The following PVT1 variants were observed in gnomAD, a reference collection of about 807,000 sequenced individuals.
PVT1 encodes the protein CXCR4/PVT1 fusion.
chr8:127,958,865 A>T (rs2129940915), intron 3 of PVT1, among the ~76,000 whole-genome samples: 1 of 152,278 alleles, frequency 6.6e-6, no homozygotes, highest in East Asian at 1.9e-4. Context: ...GCCTGGTTCT[A>T]AGCACATGTC....
chr8:128,030,557 C>T (rs958325796), intron 4 of PVT1, among the ~76,000 whole-genome samples: 1 of 152,208 alleles, frequency 6.6e-6, no homozygotes, highest in African/African-American at 2.4e-5. Context: ...CAAAATTATG[C>T]TACTTGAGGC....
intron 3 of PVT1, among the ~76,000 whole-genome samples, chr8:127,976,962 T>A (rs1816829188): frequency 6.6e-6 from 1 of 152,154 alleles, no homozygotes; most frequent in Non-Finnish European, 1.5e-5. Flanking sequence ...ACAGCCCCAG[T>A]ATTTAGTGTT....
chr8:128,033,603 T>A (rs893280666), intron 4 of PVT1, among the ~76,000 whole-genome samples: 1 of 152,170 alleles, frequency 6.6e-6, no homozygotes, highest in South Asian at 2.1e-4. Flanking sequence ...TTGAGATAGG[T>A]CATGGAGAAA....
At chr8:127,913,210 A>C (rs1381679771) in intron 3 of PVT1, among the ~76,000 whole-genome samples, 1 of 152,146 alleles carries the variant, frequency 6.6e-6, no homozygotes, top group Non-Finnish European at 1.5e-5. Flanking sequence ...CTTTCTGTCC[A>C]GGTGTTTTCA....
chr8:127,794,705 C>G (rs1210440938), exon 1 of PVT1: 1 of 153,284 alleles, frequency 6.5e-6, no homozygotes, highest in African/African-American at 2.4e-5. Flanking sequence ...TCCCTGTGAC[C>G]TGTGGAGACA....
chr8:127,980,578 G>A (rs1433211454), intron 3 of PVT1, among the ~76,000 whole-genome samples: 1 of 152,014 alleles, frequency 6.6e-6, no homozygotes, highest in African/African-American at 2.4e-5. Flanking sequence ...GCCCACCTCT[G>A]GGCGCACCTG....
chr8:128,080,185 G>A (rs1050260400), intron 5 of PVT1, among the ~76,000 whole-genome samples: 19 of 152,220 alleles, frequency 1.2e-4, no homozygotes, highest in African/African-American at 4.6e-4. Context: ...TATGCATAAA[G>A]CTGCTATAAA....
At chr8:128,072,733 G>A (rs1006945676) in intron 5 of PVT1, among the ~76,000 whole-genome samples, 2 of 152,146 alleles carry the variant, frequency 1.3e-5, no homozygotes, top group Non-Finnish European at 2.9e-5. Context: ...AGTGCCTAGC[G>A]GTTTGGGGAA....
At chr8:127,819,273 C>T (rs1387661988) in intron 2 of PVT1, among the ~76,000 whole-genome samples, 6 of 152,314 alleles carry the variant, frequency 3.9e-5, no homozygotes, top group African/African-American at 1.4e-4. Flanking sequence ...CCCATGTCTG[C>T]AAAATGAGGC....
At chr8:127,911,375 T>G (rs921122137) in intron 3 of PVT1, among the ~76,000 whole-genome samples, 6 of 152,244 alleles carry the variant, frequency 3.9e-5, no homozygotes, top group Admixed American at 1.3e-4. Context: ...GCAGTTGCTC[T>G]GACCTGCACA....
At chr8:127,862,566 G>A (rs893487716) in intron 2 of PVT1, among the ~76,000 whole-genome samples, 5 of 152,012 alleles carry the variant, frequency 3.3e-5, no homozygotes, top group African/African-American at 1.2e-4. Context: ...TCCCACAGGT[G>A]CACACCACTA....
At chr8:127,825,977 A>G (rs948860988) in intron 2 of PVT1, among the ~76,000 whole-genome samples, 5 of 142,362 alleles carry the variant, frequency 3.5e-5, no homozygotes, top group Admixed American at 2.9e-4. Context: ...TAGCCTCCTC[A>G]GTTGCTGGGA....
chr8:127,837,052 G>T (rs1248058596), intron 2 of PVT1, among the ~76,000 whole-genome samples: 1 of 152,172 alleles, frequency 6.6e-6, no homozygotes, highest in Admixed American at 6.5e-5. Context: ...CATAAGCCAG[G>T]CCCCCTGAGG....
chr8:127,843,182 C>T (rs1180492892), intron 2 of PVT1, among the ~76,000 whole-genome samples: 3 of 152,128 alleles, frequency 2.0e-5, no homozygotes, highest in Non-Finnish European at 2.9e-5. Context: ...ATGGCAAAAC[C>T]CCATTTCTAC....
intron 3 of PVT1, among the ~76,000 whole-genome samples, chr8:127,978,395 A>G (rs574530732): frequency 6.6e-6 from 1 of 152,130 alleles, no homozygotes; most frequent in Admixed American, 6.5e-5. Context: ...CCTGGCTTCA[A>G]GTGGTCCTCC....
At chr8:127,871,914 C>G (rs1018526049) in intron 2 of PVT1, among the ~76,000 whole-genome samples, 3 of 152,036 alleles carry the variant, frequency 2.0e-5, no homozygotes, top group African/African-American at 7.2e-5. Context: ...CATGGCAAAA[C>G]CCCGTCTCCA....
intron 2 of PVT1, among the ~76,000 whole-genome samples, chr8:127,863,549 A>G (rs78965822): frequency 0.025 from 3,738 of 151,866 alleles, 66 homozygotes; most frequent in Middle Eastern, 0.071. Flanking sequence ...CCCACCTTAA[A>G]CCCCTAAATC....
At chr8:127,879,542 A>C (rs58881190) in intron 2 of PVT1, among the ~76,000 whole-genome samples, 1,725 of 152,276 alleles carry the variant, frequency 0.011, 39 homozygotes, top group African/African-American at 0.039. Flanking sequence ...TAAACAAAAC[A>C]AAACAAAACA....
chr8:127,823,713 C>T (rs1198407870), intron 2 of PVT1, among the ~76,000 whole-genome samples: 3 of 152,206 alleles, frequency 2.0e-5, no homozygotes, highest in African/African-American at 4.8e-5. Context: ...TATACTCCCA[C>T]GCCCACACTT....
Sources: allele counts gnomAD v4.1 joint callset (sites outside exome capture counted in the v4.1 genomes callset), GRCh38; gene constraint gnomAD v4.1.1; transcripts MANE v1.5; gene names NCBI Gene and HGNC (gene_info 2026-07-23, HGNC 2026-07-21).